Variants in DCDC2C observed in about 807,000 individuals in gnomAD.
DCDC2C encodes the protein doublecortin domain containing 2C, also known as doublecortin domain-containing protein 2C.
In DCDC2C, 44 loss-of-function variants were observed where a neutral mutation model predicts 45.0. That is an observed-to-expected ratio of 0.98 (90% CI 0.77 to 1.26). The LOEUF (loss-of-function observed/expected upper bound fraction) is 1.26, where lower values mean the gene tolerates loss of function less well. Among genes scored for constraint, DCDC2C ranks in the 50% most tolerant of loss-of-function variants. The pLI, the probability that DCDC2C is intolerant of heterozygous loss-of-function variation, is 0.00. For synonymous variants in DCDC2C, 187 were observed against 178.8 expected (o/e 1.05, Z -0.37); for missense variants, 447 against 468.9 (o/e 0.95, Z 0.43).
At chr2:3,713,301 G>A (rs1407168413) in intron 2 of DCDC2C, among the ~76,000 whole-genome samples, 1 of 152,210 alleles carries the variant, frequency 6.6e-6, no homozygotes, top group East Asian at 1.9e-4. Context: ...ACCTCCCAGT[G>A]TCTTGAGTGA....
rs115613818 is a variant in DCDC2C, at chr2:3,802,845, C to G, written c.1065+17745C>G. ...CTTCATTCCTTAACTCTCAAGGGTC[C>G]CTGGGCCTCTGTCTATCCTGCCTTG... On this transcript the variant is annotated intron_variant, in intron 10 of 10. Coordinates refer to ENST00000399143, the MANE Select transcript of DCDC2C (RefSeq NM_001287444.2). Among the ~76,000 whole-genome samples the G allele has an allele frequency of 7.8e-3, 1,183 of 152,248 alleles. 14 individuals carry two copies. The highest frequency in any genetic ancestry group is 0.027 in the African/African-American group (1,136 of 41,544).
intron 2 of DCDC2C, among the ~76,000 whole-genome samples, chr2:3,710,379 G>A (rs944595937): frequency 2.0e-5 from 3 of 152,010 alleles, no homozygotes; most frequent in African/African-American, 7.2e-5. Context: ...TCTGACAGGC[G>A]CCAGTGTGTG....
intron 7 of DCDC2C, chr2:3,769,057 A>C (rs1670089219): frequency 2.3e-6 from 1 of 431,296 alleles, no homozygotes; most frequent in African/African-American, 2.0e-5. Context: ...AGGGTCCAGG[A>C]CCTTCATGAA....
chr2:3,752,795 A>G lies in DCDC2C; in HGVS notation c.578A>G (p.Asp193Gly). ...ACAATGAATGGGCATCTTTTGGGCGACTCAAAGGATTTGCAAGACAATCAC... is the reference window on the plus strand; with the variant it reads ...ACAATGAATGGGCATCTTTTGGGCGGCTCAAAGGATTTGCAAGACAATCAC... ...LFTMNGHLLG[D>G]SKDLQDNHFY... is the part of the protein sequence containing the mutation. The change falls in exon 5 of 11, where the codon GAC becomes GGC. Residue 193 changes from aspartate to glycine, a missense_variant. Asp to Gly is a moderately conservative substitution (Grantham distance 94). Coordinates refer to ENST00000399143, the MANE Select transcript of DCDC2C (RefSeq NM_001287444.2). 1 of 1,550,420 alleles carries G rather than the reference A, an allele frequency of 6.4e-7. No homozygotes were observed. The highest frequency in any genetic ancestry group is 8.7e-7 in the Non-Finnish European group (1 of 1,146,890).
At chr2:3,820,504 G>T (rs1671661654) in intron 10 of DCDC2C, among the ~76,000 whole-genome samples, 1 of 152,150 alleles carries the variant, frequency 6.6e-6, no homozygotes, top group Admixed American at 6.5e-5. Flanking sequence ...GTGGGTGAAT[G>T]ACCAAGGCAG....
chr2:3,731,830 A>G (rs1377952461), intron 3 of DCDC2C, among the ~76,000 whole-genome samples: 2 of 152,202 alleles, frequency 1.3e-5, no homozygotes, highest in Non-Finnish European at 2.9e-5. Flanking sequence ...AGGCCATGTC[A>G]TAGTCCCAGT....
chr2:3,840,924 G>A (rs1306378895), intron 10 of DCDC2C, among the ~76,000 whole-genome samples: 3 of 152,216 alleles, frequency 2.0e-5, no homozygotes, highest in Non-Finnish European at 2.9e-5. Context: ...ATGTGCTCAT[G>A]TGGACTTTGA....
chr2:3,834,488 A>G (rs1419297707), intron 10 of DCDC2C, among the ~76,000 whole-genome samples: 2 of 152,130 alleles, frequency 1.3e-5, no homozygotes, highest in East Asian at 3.8e-4. Flanking sequence ...CTTAGCGGGA[A>G]CTTCCTCCAG....
intron 6 of DCDC2C, among the ~76,000 whole-genome samples, chr2:3,760,509 T>A (rs996034077): frequency 4.6e-5 from 7 of 152,192 alleles, no homozygotes; most frequent in Non-Finnish European, 1.0e-4. Flanking sequence ...TAAAAAAGAA[T>A]GAGTTTATGT....
At chr2:3,819,854 C>G (rs555369901) in intron 10 of DCDC2C, among the ~76,000 whole-genome samples, 1 of 151,962 alleles carries the variant, frequency 6.6e-6, no homozygotes, top group Non-Finnish European at 1.5e-5. Context: ...AGTCACGGGA[C>G]GAAACTGTAA....
rs2148204085 is a variant in DCDC2C at position 3,802,513 on chromosome 2, A to C, written c.1065+17413A>C. ...ACCATAGAGTTGCAGGCTTAAAAAC[A>C]ACAGAAATATATTCCCTCCAGTTTG... On this transcript the variant is annotated intron_variant, in intron 10 of 10. Coordinates refer to ENST00000399143, the MANE Select transcript of DCDC2C (RefSeq NM_001287444.2). 2.0e-5 allele frequency among the ~76,000 whole-genome samples: 3 copies of C among 152,336 alleles called. No individual in the cohort carries two copies. In the Middle Eastern group the frequency reaches 0.01, roughly 518 times the overall value.
chr2:3,827,579 T>G (rs1407817729), intron 10 of DCDC2C, among the ~76,000 whole-genome samples: 2 of 152,178 alleles, frequency 1.3e-5, no homozygotes, highest in Non-Finnish European at 2.9e-5. Context: ...AGTCAACATC[T>G]TTCAACAATT....
intron 3 of DCDC2C, among the ~76,000 whole-genome samples, chr2:3,728,316 C>T (rs951512474): frequency 1.4e-4 from 22 of 152,216 alleles, no homozygotes; most frequent in Non-Finnish European, 7.3e-5. Context: ...AAGGGGGCCA[C>T]CTAAATACAC....
At chr2:3,721,539 AG>A (rs1278457289) in intron 2 of DCDC2C, among the ~76,000 whole-genome samples, 1 of 152,222 alleles carries the variant, frequency 6.6e-6, no homozygotes, top group Non-Finnish European at 1.5e-5. Context: ...TGGAGAGAAC[AG>A]AGACTTTGGA....
At chr2:3,806,487 C>T (rs938264359) in intron 10 of DCDC2C, among the ~76,000 whole-genome samples, 1 of 151,994 alleles carries the variant, frequency 6.6e-6, no homozygotes, top group African/African-American at 2.4e-5. Flanking sequence ...CTCTTGAAAT[C>T]CTCATTGACA....
chr2:3,758,070 TG>T (rs1223593353), intron 6 of DCDC2C, among the ~76,000 whole-genome samples: 6 of 152,158 alleles, frequency 3.9e-5, no homozygotes, highest in Non-Finnish European at 8.8e-5. Flanking sequence ...TTACTACTGA[TG>T]GAATAAATTG....
intron 10 of DCDC2C, among the ~76,000 whole-genome samples, chr2:3,832,616 T>C (rs752184800): frequency 1.8e-4 from 27 of 152,222 alleles, no homozygotes; most frequent in Admixed American, 6.5e-5. Flanking sequence ...GCTTTTATGT[T>C]CCGCTTGAGT....
intron 6 of DCDC2C, among the ~76,000 whole-genome samples, chr2:3,756,963 A>G (rs1487118258): frequency 6.6e-6 from 1 of 152,216 alleles, no homozygotes; most frequent in Non-Finnish European, 1.5e-5. Flanking sequence ...GAATGGATGA[A>G]TGATGATCAC....
intron 2 of DCDC2C, among the ~76,000 whole-genome samples, chr2:3,711,793 C>T (rs547460702): frequency 3.5e-4 from 53 of 152,318 alleles, no homozygotes; most frequent in South Asian, 2.1e-4. Context: ...AGAATTAACA[C>T]GCATTATTTT....
Sources: allele counts gnomAD v4.1 joint callset (sites outside exome capture counted in the v4.1 genomes callset), GRCh38; gene constraint gnomAD v4.1.1; transcripts MANE v1.5; gene names NCBI Gene and HGNC (gene_info 2026-07-23, HGNC 2026-07-21).